The following SYT9 variants were observed in gnomAD, a reference collection of about 807,000 sequenced individuals.
SYT9 encodes the protein synaptotagmin 9.
SYT9 carries 22 observed loss-of-function variants against 48.4 expected under a neutral mutation model. The observed-to-expected ratio is 0.45, with a 90% CI of 0.32 to 0.65. The LOEUF is 0.65. Ranked by LOEUF, SYT9 falls within the 30% of genes least tolerant of loss-of-function variation. The pLI, the probability that SYT9 is intolerant of heterozygous loss-of-function variation, is 0.03. For synonymous variants in SYT9, 265 were observed against 245.0 expected (o/e 1.08, Z -0.76); for missense variants, 577 against 622.0 (o/e 0.93, Z 0.77).
At chr11:7,277,079 C>G (rs1282259497) in intron 1 of SYT9, among the ~76,000 whole-genome samples, 3 of 151,826 alleles carry the variant, frequency 2.0e-5, no homozygotes, top group Non-Finnish European at 4.4e-5. Context: ...AACAAACAAA[C>G]AAACAAACAT....
At position 7,313,634 on chromosome 11, in the gene SYT9, A is replaced by G. The variant is rs1849183822; in HGVS notation, c.737A>G (p.Asn246Ser). Reference sequence around the variant, plus strand: ...ATAGTGAAGATTCACAAAGCTGTCAATTTGCCCGCCAAGGACTTTTCTGGG... The same window carrying G: ...ATAGTGAAGATTCACAAAGCTGTCAGTTTGCCCGCCAAGGACTTTTCTGGG... ...QLIVKIHKAV[N>S]LPAKDFSGTS... is the part of the protein sequence containing the mutation. Residue 246 changes from asparagine (N) to serine (S), a missense_variant, in exon 3 of 7, where the codon AAT becomes AGT. By Grantham distance (46) the Asn-to-Ser change is conservative. Coordinates refer to ENST00000318881, the MANE Select transcript of SYT9 (RefSeq NM_175733.4). 1.9e-6 allele frequency: 3 copies of G among 1,614,168 alleles called. No homozygotes were observed. Among genetic ancestry groups the G allele is most frequent in the Non-Finnish European group, 2.5e-6 (3 of 1,180,018 alleles).
intron 2 of SYT9, among the ~76,000 whole-genome samples, chr11:7,307,547 C>A (rs1849055026): frequency 6.6e-6 from 1 of 152,058 alleles, no homozygotes; most frequent in Non-Finnish European, 1.5e-5. Flanking sequence ...TTTGCTATGG[C>A]AAAATTCAAT....
intron 3 of SYT9, among the ~76,000 whole-genome samples, chr11:7,335,460 C>T (rs1392413063): frequency 6.6e-6 from 1 of 152,024 alleles, no homozygotes. Flanking sequence ...GATCCTTTCC[C>T]TCCTCCCACC....
In SYT9 at chr11:7,468,452, G is replaced by C. The variant is rs1451365494; in HGVS notation, c.*1652G>C. The C allele has an allele frequency of 7.6e-6, 3 of 396,586 alleles. No individual in the cohort carries two copies. Among genetic ancestry groups the C allele is most frequent in the Non-Finnish European group, 1.3e-5 (3 of 225,190 alleles). 24.6% of individuals were successfully genotyped at this position (396,586 alleles called of 1,614,324 possible). ...AGAATCCAAGGTTCTGCCTATGTCTGATGACATAAGGAAAACTTGGCTTCC... is the reference window on the plus strand; with the variant it reads ...AGAATCCAAGGTTCTGCCTATGTCTCATGACATAAGGAAAACTTGGCTTCC... On this transcript the variant is annotated 3_prime_UTR_variant, in exon 7 of 7. Coordinates refer to ENST00000318881, the MANE Select transcript of SYT9 (RefSeq NM_175733.4).
At chr11:7,369,011 C>T (rs1850302880) in intron 3 of SYT9, among the ~76,000 whole-genome samples, 1 of 152,150 alleles carries the variant, frequency 6.6e-6, no homozygotes, top group South Asian at 2.1e-4. Context: ...AATGGGATTG[C>T]AAGATCAAAT....
chr11:7,461,510 C>A (rs1254825372), intron 6 of SYT9, among the ~76,000 whole-genome samples: 2 of 152,088 alleles, frequency 1.3e-5, no homozygotes, highest in African/African-American at 4.8e-5. Flanking sequence ...GTAGCTGGGA[C>A]TACAGGCACC....
intron 3 of SYT9, among the ~76,000 whole-genome samples, chr11:7,402,942 G>A (rs1253963748): frequency 6.6e-6 from 1 of 151,990 alleles, no homozygotes. Context: ...CTGTAATAAT[G>A]GCAGACTATA....
intron 1 of SYT9, among the ~76,000 whole-genome samples, chr11:7,266,484 T>C (rs1284432891): frequency 6.6e-6 from 1 of 152,118 alleles, no homozygotes; most frequent in Non-Finnish European, 1.5e-5. Flanking sequence ...TATGTGTGGA[T>C]TACTGTAGGC....
At chr11:7,466,054 T>C (rs1430549306) in intron 6 of SYT9, among the ~76,000 whole-genome samples, 1 of 152,198 alleles carries the variant, frequency 6.6e-6, no homozygotes, top group African/African-American at 2.4e-5. Context: ...CTCCGACCAC[T>C]TCATTCCTCA....
intron 1 of SYT9, among the ~76,000 whole-genome samples, chr11:7,286,988 C>T (rs185320004): frequency 1.2e-3 from 180 of 152,286 alleles, no homozygotes; most frequent in African/African-American, 3.9e-3. Flanking sequence ...GTTCCAAAGT[C>T]GCTTTTATAT....
chr11:7,431,666 C>T (rs570794139), intron 6 of SYT9, among the ~76,000 whole-genome samples: 2 of 152,222 alleles, frequency 1.3e-5, no homozygotes, highest in Non-Finnish European at 2.9e-5. Context: ...CAGGGCCCCA[C>T]GGCCCTGTGC....
chr11:7,287,333 C>T (rs1319276821), intron 1 of SYT9, among the ~76,000 whole-genome samples: 2 of 152,192 alleles, frequency 1.3e-5, no homozygotes, highest in Non-Finnish European at 1.5e-5. Flanking sequence ...CAATTACTTC[C>T]CACTGGGTCA....
intron 1 of SYT9, among the ~76,000 whole-genome samples, chr11:7,284,007 A>G (rs1485280947): frequency 6.6e-6 from 1 of 152,152 alleles, no homozygotes; most frequent in Admixed American, 6.5e-5. Context: ...ATCTCCATCA[A>G]TTATTCAAAA....
intron 1 of SYT9, among the ~76,000 whole-genome samples, chr11:7,295,620 C>A (rs1348854956): frequency 1.3e-5 from 2 of 152,178 alleles, no homozygotes; most frequent in Admixed American, 1.3e-4. Flanking sequence ...AAGCATGCAC[C>A]TCAAAATTCT....
chr11:7,279,744 C>T (rs1848459523), intron 1 of SYT9, among the ~76,000 whole-genome samples: 1 of 152,168 alleles, frequency 6.6e-6, no homozygotes, highest in Non-Finnish European at 1.5e-5. Flanking sequence ...GAAAGCTACC[C>T]AGTTAGAGAA....
chr11:7,321,957 C>T lies in SYT9; in HGVS notation c.1044+8016C>T, dbSNP rs192904830. 9.9e-5 allele frequency among the ~76,000 whole-genome samples: 15 copies of T among 152,270 alleles called. No individual in the cohort carries two copies. In the East Asian group the frequency reaches 2.7e-3, roughly 27 times the overall value. ...AACTAGGGATCACTTTCCTTGCTAT[C>T]TGCTGGCTCTTGCTGGTTCCTTCAC... On this transcript the variant is annotated intron_variant, in intron 3 of 6. Transcript: ENST00000318881.
Position 7,256,540 on chromosome 11 carries a change from G to C in SYT9, c.145+4209G>C, listed in dbSNP as rs549783993. The stretch of plus-strand genomic sequence containing the variant: ...GGGTCTAAGTGAAAGTAGCTTCTTA[G>C]GTAGTCACATCACATGTACTGAAAA... On this transcript the variant is annotated intron_variant, in intron 1 of 6. Coordinates refer to ENST00000318881, the MANE Select transcript of SYT9 (RefSeq NM_175733.4). Among the ~76,000 whole-genome samples the C allele has an allele frequency of 2.6e-5, 4 of 152,274 alleles. No individual in the cohort carries two copies. In the South Asian group the frequency reaches 8.3e-4, roughly 32 times the overall value.
At chr11:7,357,895 A>G in intron 3 of SYT9, among the ~76,000 whole-genome samples, 1 of 132,564 alleles carries the variant, frequency 7.5e-6, no homozygotes, top group East Asian at 4.4e-4. Flanking sequence ...GACTTTATCT[A>G]TAGACATAAT....
chr11:7,245,647 T>C (rs1391724381), intron 1 of SYT9, among the ~76,000 whole-genome samples: 1 of 152,196 alleles, frequency 6.6e-6, no homozygotes, highest in Non-Finnish European at 1.5e-5. Flanking sequence ...CTGGGAAGTC[T>C]AAGATCAAGG....
Sources: gnomAD v4.1 joint callset for allele counts (sites outside exome capture counted in the v4.1 genomes callset) on GRCh38, gnomAD v4.1.1 for gene constraint, MANE v1.5 for transcripts, NCBI Gene and HGNC (gene_info 2026-07-23, HGNC 2026-07-21) for gene names.